The following ADARB1 variants were observed in gnomAD, a reference collection of about 807,000 sequenced individuals.
ADARB1 encodes adenosine deaminase RNA specific B1.
Under a neutral mutation model 52.4 loss-of-function variants are expected in ADARB1, and 10 were observed. The observed-to-expected ratio is 0.19, with a 90% CI of 0.12 to 0.32. The LOEUF is 0.32. ADARB1 is among the 10% of genes least tolerant of loss of function. The pLI, the probability that ADARB1 is intolerant of heterozygous loss-of-function variation, is 1.00. For synonymous variants in ADARB1, 349 were observed against 371.1 expected, an observed-to-expected ratio of 0.94 and a Z score of 0.68; for missense variants, 643 against 922.3, an observed-to-expected ratio of 0.70 and a Z score of 3.92.
At chr21:45,127,831 G>A (rs920381437) in intron 1 of ADARB1, among the ~76,000 whole-genome samples, 3 of 152,086 alleles carry the variant, frequency 2.0e-5, no homozygotes, top group Admixed American at 6.5e-5. Context: ...ACTCCATATT[G>A]AGGTTTTATA....
intron 2 of ADARB1, chr21:45,144,617 CAAT>C (rs1195059938): frequency 2.2e-6 from 1 of 449,842 alleles, no homozygotes; most frequent in South Asian, 1.6e-5. Context: ...TGTTTCTCTT[CAAT>C]AATCCTAAAG....
At chr21:45,132,734 A>G (rs978245251) in intron 2 of ADARB1, among the ~76,000 whole-genome samples, 6 of 152,192 alleles carry the variant, frequency 3.9e-5, no homozygotes, top group African/African-American at 1.4e-4. Flanking sequence ...TACTGAACCT[A>G]TGCAGTAAAC....
chr21:45,081,220 A>G (rs555536987), intron 1 of ADARB1, among the ~76,000 whole-genome samples: 15 of 152,240 alleles, frequency 9.9e-5, no homozygotes, highest in East Asian at 3.9e-4. Flanking sequence ...GGAGAAGGAC[A>G]GGGAGGAGGT....
intron 1 of ADARB1, among the ~76,000 whole-genome samples, chr21:45,088,641 G>T (rs1307409674): frequency 6.6e-6 from 1 of 152,202 alleles, no homozygotes; most frequent in Non-Finnish European, 1.5e-5. Context: ...GGAGGATGCT[G>T]ATTAGTGGGC....
rs187657496 is a variant in ADARB1, at chr21:45,225,639, C to T, written c.*3442C>T. On this transcript the variant is annotated 3_prime_UTR_variant, in exon 11 of 11. Transcript: ENST00000348831. ...TGTGGAGACTGCACATCCGGACCTGCCCATGTCTCAAAACAAACACATGTA... is the reference window on the plus strand; with the variant it reads ...TGTGGAGACTGCACATCCGGACCTGTCCATGTCTCAAAACAAACACATGTA... 4.3e-4 allele frequency: 508 copies of T among 1,183,302 alleles called. 1 individual carries two copies. In the Middle Eastern group the frequency reaches 0.014, roughly 33 times the overall value. 73.3% of individuals were successfully genotyped at this position (1,183,302 alleles called of 1,614,324 possible).
Position 45,222,299 on chromosome 21 carries a change from G to T in ADARB1, c.*102G>T. The T allele has an allele frequency of 3.5e-5, 46 of 1,322,490 alleles. No homozygotes were observed. Among genetic ancestry groups the T allele is most frequent in the Admixed American group, 1.0e-4 (3 of 29,430 alleles). 81.9% of individuals were successfully genotyped at this position (1,322,490 alleles called of 1,614,324 possible). A position where few individuals can be genotyped will look rare whatever the true frequency, so the allele number is the denominator to read the frequency against. On this transcript the variant is annotated 3_prime_UTR_variant, in exon 11 of 11. Transcript: ENST00000348831. The stretch of plus-strand genomic sequence containing the variant: ...GGGGCAGGTGCATACCTTGGGGAGG[G>T]AGTAGGGGGACACGGGGGACCACCA...
chr21:45,179,659 C>A (rs1268412365), intron 4 of ADARB1, among the ~76,000 whole-genome samples: 1 of 152,172 alleles, frequency 6.6e-6, no homozygotes, highest in Admixed American at 6.5e-5. Flanking sequence ...CCTCCCCGTG[C>A]TGTTCTCTGG....
Position 45,176,273 on chromosome 21 carries a change from A to G in ADARB1, c.572A>G (p.Tyr191Cys), listed in dbSNP as rs2091690891. ...ETPDKAEPPF[Y>C]VGSNGDDSFS... ...CCTGACAAGGCGGAGCCTCCCTTTT[A>G]CGTGGGCTCCAATGGGGATGACTCC... The change falls in exon 4 of 11, where the codon TAC becomes TGC. Residue 191 changes from tyrosine (Y) to cysteine (C), a missense_variant. Coordinates refer to ENST00000348831, the MANE Select transcript of ADARB1 (RefSeq NM_001112.4). This position sits in a 1 kb window ranked among gnomAD's most constrained non-coding sequence, Gnocchi z 5.8. 6.2e-7 allele frequency: 1 copy of G among 1,614,032 alleles called. No homozygotes were observed. The highest frequency in any genetic ancestry group is 1.7e-5 in the Admixed American group (1 of 60,016).
chr21:45,086,256 T>G (rs1237928189), intron 1 of ADARB1, among the ~76,000 whole-genome samples: 1 of 152,232 alleles, frequency 6.6e-6, no homozygotes, highest in Non-Finnish European at 1.5e-5. Flanking sequence ...CAAATAATGC[T>G]TTGAGTCTTC....
chr21:45,092,136 AGT>A (rs1287247101), intron 1 of ADARB1, among the ~76,000 whole-genome samples: 2 of 152,028 alleles, frequency 1.3e-5, no homozygotes, highest in Admixed American at 1.3e-4. Context: ...ATGTCTGGAG[AGT>A]GATGCTTTGG....
chr21:45,133,571 G>A, intron 2 of ADARB1: 1 of 175,862 alleles, frequency 5.7e-6, no homozygotes, highest in Non-Finnish European at 1.2e-5. Context: ...CCTCCCGCCT[G>A]CAAGGCAGGG....
At chr21:45,167,716 C>T (rs1569105670) in intron 2 of ADARB1, among the ~76,000 whole-genome samples, 1 of 152,138 alleles carries the variant, frequency 6.6e-6, no homozygotes, top group Non-Finnish European at 1.5e-5. Context: ...CACTGCACTC[C>T]AGCCTGGGTG....
At chr21:45,199,797 G>A (rs948364682) in intron 8 of ADARB1, among the ~76,000 whole-genome samples, 5 of 152,168 alleles carry the variant, frequency 3.3e-5, no homozygotes, top group African/African-American at 9.7e-5. Flanking sequence ...CAAAGGATTC[G>A]ACTTGGTTAC....
intron 1 of ADARB1, among the ~76,000 whole-genome samples, chr21:45,123,038 A>G (rs997716323): frequency 2.0e-5 from 3 of 152,126 alleles, no homozygotes; most frequent in Admixed American, 2.0e-4. Context: ...GTATAAAATC[A>G]GTTGTCATTG....
chr21:45,089,679 A>G (rs532665671), intron 1 of ADARB1, among the ~76,000 whole-genome samples: 4 of 152,302 alleles, frequency 2.6e-5, no homozygotes, highest in Admixed American at 1.3e-4. Flanking sequence ...CAATTGGCTA[A>G]TCATTTGCCT....
intron 8 of ADARB1, among the ~76,000 whole-genome samples, chr21:45,199,086 T>C (rs2838807): frequency 0.7 from 106,642 of 152,004 alleles, 38,225 homozygotes; most frequent in African/African-American, 0.86. Flanking sequence ...CAGGCCTGCC[T>C]GTGTTTAAAA....
At position 45,208,352 on chromosome 21, in the gene ADARB1, TAAC is replaced by T. The variant is rs2092703664; in HGVS notation, c.1747+3619_1747+3621del. 6.6e-6 allele frequency among the ~76,000 whole-genome samples: 1 copy of T among 152,318 alleles called. No homozygotes were observed. The highest frequency in any genetic ancestry group is 1.9e-4 in the East Asian group (1 of 5,190). ...CATGTTGAATGTTGGCACGAAACGT[TAAC>T]AAACAAGGCTACATGATGGGGTAGG... On this transcript the variant is annotated intron_variant, in intron 9 of 10. Coordinates refer to ENST00000348831, the MANE Select transcript of ADARB1 (RefSeq NM_001112.4). This position sits in a 1 kb window ranked among gnomAD's most constrained non-coding sequence, Gnocchi z 5.6.
chr21:45,218,498 T>A (rs2092908124), intron 9 of ADARB1, among the ~76,000 whole-genome samples: 1 of 152,238 alleles, frequency 6.6e-6, no homozygotes, highest in Admixed American at 6.5e-5. Context: ...ATGCCTACTC[T>A]GATCAGTGCT....
chr21:45,184,558 C>G (rs1410405134), intron 7 of ADARB1: 1 of 363,636 alleles, frequency 2.7e-6, no homozygotes. Flanking sequence ...TTAAGCGATC[C>G]TTCCACCTCA....
Sources: gnomAD v4.1 joint callset for allele counts (sites outside exome capture counted in the v4.1 genomes callset) on GRCh38, gnomAD v4.1.1 for gene constraint, Gnocchi (gnomAD v3.1) non-coding constraint, MANE v1.5 for transcripts, NCBI Gene and HGNC (gene_info 2026-07-23, HGNC 2026-07-21) for gene names.